Variants in ZNF765 observed in about 807,000 individuals in gnomAD.
ZNF765 encodes the protein zinc finger protein 765.
ZNF765 carries 37 observed loss-of-function variants against 44.7 expected under a neutral mutation model. The ratio of observed to expected loss-of-function variants is 0.83; its 90% CI spans 0.64 to 1.09. The LOEUF (loss-of-function observed/expected upper bound fraction) is 1.09. ZNF765 is among the 50% of genes least tolerant of loss of function. ZNF765 has a pLI of 0.00. For synonymous variants in ZNF765, 201 were observed against 213.7 expected (o/e 0.94, Z 0.52); for missense variants, 594 against 626.1 (o/e 0.95, Z 0.55).
At chr19:53,401,799 C>G (rs2085728584) in intron 2 of ZNF765, 2 of 787,112 alleles carry the variant, frequency 2.5e-6, no homozygotes, top group African/African-American at 3.5e-5. Context: ...TCGTTTGATC[C>G]TGGGACTTGG....
chr19:53,413,882 A>T (rs546725796), downstream of ZNF765, among the ~76,000 whole-genome samples: 1 of 150,750 alleles, frequency 6.6e-6, no homozygotes, highest in South Asian at 2.1e-4. Flanking sequence ...GAACTGCAGC[A>T]GACAAACCTG....
chr19:53,402,012 A>G (rs2085731043), intron 2 of ZNF765, 53 bp from the exon 3 acceptor site: 2 of 1,613,948 alleles, frequency 1.2e-6, no homozygotes, highest in Admixed American at 3.3e-5. Flanking sequence ...CATTTTCTGT[A>G]AAGATAAGAA....
chr19:53,397,562 T>C (rs1473357592), intron 1 of ZNF765, among the ~76,000 whole-genome samples: 1 of 152,186 alleles, frequency 6.6e-6, no homozygotes, highest in African/African-American at 2.4e-5. Context: ...TTTGTACTTT[T>C]GGTAGAGATG....
At chr19:53,398,620 A>C (rs556028644) in intron 2 of ZNF765, among the ~76,000 whole-genome samples, 26 of 152,348 alleles carry the variant, frequency 1.7e-4, no homozygotes, top group Middle Eastern at 3.4e-3. Context: ...CAACCTGAAT[A>C]ATAGCAGGAG....
At chr19:53,420,099 C>T (rs1202507898) in intron 3 of ZNF765, among the ~76,000 whole-genome samples, 3 of 151,564 alleles carry the variant, frequency 2.0e-5, no homozygotes, top group South Asian at 2.1e-4. Context: ...TTTGGGAGAC[C>T]GAGGCGGGCA....
chr19:53,420,076 G>A (rs2085898441), intron 3 of ZNF765, among the ~76,000 whole-genome samples: 1 of 151,712 alleles, frequency 6.6e-6, no homozygotes, highest in Non-Finnish European at 1.5e-5. Flanking sequence ...GCTCATGCCT[G>A]TAATCCCAGC....
chr19:53,397,249 G>T (rs868792131), intron 1 of ZNF765, among the ~76,000 whole-genome samples: 8 of 152,162 alleles, frequency 5.3e-5, no homozygotes, highest in African/African-American at 7.2e-5. Context: ...GGAGGTAGTC[G>T]AAAGCTAATC....
chr19:53,409,546 G>T lies in ZNF765; in HGVS notation c.*419G>T. 1 of 1,117,850 alleles carries T rather than the reference G, an allele frequency of 8.9e-7. No individual in the cohort carries two copies. 69.2% of individuals were successfully genotyped at this position (1,117,850 alleles called of 1,614,324 possible). On this transcript the variant is annotated 3_prime_UTR_variant, in exon 4 of 4. Coordinates refer to ENST00000396408, the MANE Select transcript of ZNF765 (RefSeq NM_001040185.3). ...TGGAGAGAAACCTTACAAATGTGAA[G>T]AATTTGAGTTTTCCATTTCAAATCA...
chr19:53,396,138 G>A (rs536857779), intron 1 of ZNF765, among the ~76,000 whole-genome samples: 5 of 152,228 alleles, frequency 3.3e-5, no homozygotes, highest in Non-Finnish European at 1.5e-5. Context: ...GAGGAGGAGG[G>A]ATTTGGAGCC....
chr19:53,405,903 CTATATATATATATA>C lies in ZNF765; in HGVS notation c.143-1760_143-1747del, dbSNP rs10675178. Among the ~76,000 whole-genome samples the C allele has an allele frequency of 6.7e-3, 327 of 49,166 alleles. 7 individuals are homozygous for C. The highest frequency in any genetic ancestry group is 0.017 in the South Asian group (29 of 1,710). The allele number at this position is 49,166 out of a possible 152,430, so 32.3% of individuals were successfully genotyped here. A position where few individuals can be genotyped will look rare whatever the true frequency, so the allele number is the denominator to read the frequency against. On this transcript the variant is annotated intron_variant, in intron 3 of 3. Coordinates refer to ENST00000396408, the MANE Select transcript of ZNF765 (RefSeq NM_001040185.3). ...TAGTGAACTAGATAATTAATACCAA[CTATATATATATATA>C]TATATATATATATATATATATATAT...
Position 53,409,989 on chromosome 19 carries a change from A to G in ZNF765, c.*862A>G, listed in dbSNP as rs2085818708. On this transcript the variant is annotated 3_prime_UTR_variant, in exon 4 of 4. Transcript: ENST00000396408. Reference sequence around the variant, plus strand: ...AATCATTGGAGAATCCATAATGAAGAGAGATCCTACAAGTGTGATAAATGC... The same window carrying G: ...AATCATTGGAGAATCCATAATGAAGGGAGATCCTACAAGTGTGATAAATGC... 15 of 542,100 alleles carry G rather than the reference A, an allele frequency of 2.8e-5. 1 individual carries two copies. Among genetic ancestry groups the G allele is most frequent in the South Asian group, 1.6e-4 (11 of 67,012 alleles). 33.6% of individuals were successfully genotyped at this position (542,100 alleles called of 1,614,324 possible).
chr19:53,402,188 C>G lies in ZNF765; in HGVS notation c.139C>G (p.Leu47Val). Residue 47 changes from leucine to valine, a missense_variant, in exon 3 of 4, where the codon CTG becomes GTG. Around this residue, in one of 2 missense-constraint regions of ZNF765, gnomAD observed 567 missense variants for 572.6 expected, o/e 0.99. Transcript: ENST00000396408. ...MLENYRNLVS[L>V]DISSKCMMKE... ...GGAGAATTATAGGAACCTGGTCTCCCTGGGTGAGGATGACTTCCCTCCTGG... is the reference window on the plus strand; with the variant it reads ...GGAGAATTATAGGAACCTGGTCTCCGTGGGTGAGGATGACTTCCCTCCTGG... The G allele has an allele frequency of 6.2e-7, 1 of 1,612,622 alleles. No individual in the cohort carries two copies. Among genetic ancestry groups the G allele is most frequent in the Non-Finnish European group, 8.5e-7 (1 of 1,179,772 alleles).
Position 53,409,162 on chromosome 19 carries a change from C to T in ZNF765, c.*35C>T. On this transcript the variant is annotated 3_prime_UTR_variant, in exon 4 of 4. Transcript: ENST00000396408. ...TAAGACCTTCAATCAGGAGTTAACCCTTACATGCCATCGTAGGCTTCATAG... is the reference window on the plus strand; with the variant it reads ...TAAGACCTTCAATCAGGAGTTAACCTTTACATGCCATCGTAGGCTTCATAG... The T allele has an allele frequency of 1.3e-6, 2 of 1,541,538 alleles. No individual in the cohort carries two copies. Among genetic ancestry groups the T allele is most frequent in the South Asian group, 1.1e-5 (1 of 89,444 alleles).
chr19:53,413,086 C>T (rs995698396), downstream of ZNF765: 19 of 369,474 alleles, frequency 5.1e-5, no homozygotes, highest in South Asian at 2.0e-4. Flanking sequence ...CTCCAGCCTG[C>T]GCAACAAGAG....
chr19:53,423,111 C>G (rs2085917051), exon 4 of ZNF765: 1 of 699,976 alleles, frequency 1.4e-6, no homozygotes, highest in Non-Finnish European at 2.6e-6. Flanking sequence ...GAGTGTCTCC[C>G]AGGCCATCAC....
chr19:53,395,841 T>C (rs1600042396), intron 1 of ZNF765, among the ~76,000 whole-genome samples: 1 of 152,286 alleles, frequency 6.6e-6, no homozygotes, highest in East Asian at 1.9e-4. Flanking sequence ...TCCTGTGTCT[T>C]ATCCAAAGCC....
At chr19:53,420,032 TAAAA>T (rs1339697101) in intron 3 of ZNF765, among the ~76,000 whole-genome samples, 3 of 128,120 alleles carry the variant, frequency 2.3e-5, no homozygotes, top group African/African-American at 9.0e-5. Flanking sequence ...AAAATAATAA[TAAAA>T]TAAATAAATA....
intron 1 of ZNF765, among the ~76,000 whole-genome samples, chr19:53,395,948 G>A (rs1390690767): frequency 6.6e-6 from 1 of 151,682 alleles, no homozygotes; most frequent in Non-Finnish European, 1.5e-5. Flanking sequence ...CATAACAGAT[G>A]GCAAAGTAGA....
rs10407361 is a variant in ZNF765, at chr19:53,410,127, A to G, written c.*1000A>G. 0.03 allele frequency: 13,230 copies of G among 442,968 alleles called. 546 individuals carry two copies. The highest frequency in any genetic ancestry group is 0.13 in the African/African-American group (6,531 of 48,980). 27.4% of individuals were successfully genotyped at this position (442,968 alleles called of 1,614,324 possible). A position where few individuals can be genotyped will look rare whatever the true frequency, so the allele number is the denominator to read the frequency against. ...AATGTGATGAAGCTTTCAGATTCAA[A>G]TCAAACCTTGATAGTCATAGAATTC... On this transcript the variant is annotated 3_prime_UTR_variant, in exon 4 of 4. Transcript: ENST00000396408.
Sources: gnomAD v4.1 joint callset for allele counts (sites outside exome capture counted in the v4.1 genomes callset) on GRCh38, gnomAD v4.1.1 for gene constraint, gnomAD v4.1.1 regional missense constraint, MANE v1.5 for transcripts, NCBI Gene and HGNC (gene_info 2026-07-23, HGNC 2026-07-21) for gene names.